ZDHHC15: variants seen among roughly 807,000 people sequenced by gnomAD.
The protein encoded by ZDHHC15 is zDHHC palmitoyltransferase 15.
A neutral mutation model predicts 31.7 loss-of-function variants in ZDHHC15; 19 were observed. That is an observed-to-expected ratio of 0.60 (90% CI 0.42 to 0.88). ZDHHC15 has a LOEUF of 0.88. ZDHHC15 is among the 40% of genes least tolerant of loss of function. The pLI, the probability that ZDHHC15 is intolerant of heterozygous loss-of-function variation, is 0.00. For missense variants in ZDHHC15, 209 were observed against 251.2 expected (o/e 0.83, Z 1.14); for synonymous variants, 103 against 90.0 (o/e 1.14, Z -0.82).
chrX:75,376,376 C>G (rs896184258), intron 11 of ZDHHC15, among the ~76,000 whole-genome samples: 1 of 106,160 alleles, frequency 9.4e-6, no homozygotes, highest in Non-Finnish European at 1.9e-5. Context: ...CTGATAATTT[C>G]TTTTGCTGTG....
rs776398857 is a variant in ZDHHC15 at position 75,417,706 on chromosome X, C to T, written c.864-516G>A. On this transcript the variant is annotated intron_variant, in intron 9 of 11. Transcript: ENST00000373367. ...GCCAGAGTGAGCCATCTCTAGACTGCAGATTTTCAGGGCAATTATCCACAT... is the reference window on the plus strand; with the variant it reads ...GCCAGAGTGAGCCATCTCTAGACTGTAGATTTTCAGGGCAATTATCCACAT... 7.2e-5 allele frequency among the ~76,000 whole-genome samples: 8 copies of T among 111,530 alleles called. No homozygotes were observed. In the South Asian group the frequency reaches 1.5e-3, roughly 21 times the overall value.
At chrX:75,425,827 C>A (rs1360547355) in intron 7 of ZDHHC15, among the ~76,000 whole-genome samples, 2 of 111,439 alleles carry the variant, frequency 1.8e-5, no homozygotes, top group African/African-American at 6.5e-5. Context: ...AGATTTTTTT[C>A]TTCTCTGAGA....
intron 3 of ZDHHC15, among the ~76,000 whole-genome samples, chrX:75,458,013 C>A (rs899368105): frequency 1.8e-5 from 2 of 110,799 alleles, no homozygotes; most frequent in Admixed American, 1.9e-4. Flanking sequence ...TATTTATATG[C>A]CAAAAGACAT....
At chrX:75,412,222 C>A (rs1209924256) in intron 10 of ZDHHC15, among the ~76,000 whole-genome samples, 1 of 111,163 alleles carries the variant, frequency 9.0e-6, no homozygotes, top group African/African-American at 3.3e-5. Flanking sequence ...GGAGGTTCTT[C>A]AAAAATTGAA....
chrX:75,444,687 T>TACAC lies in ZDHHC15; in HGVS notation c.379+6111_379+6114dup, dbSNP rs1172357698. Among the ~76,000 whole-genome samples, 142 of 29,479 alleles carry TACAC rather than the reference T, an allele frequency of 4.8e-3. 6 individuals carry two copies. The highest frequency in any genetic ancestry group is 0.02 in the African/African-American group (126 of 6,385). The allele number at this position is 29,479 out of a possible 115,157, so 25.6% of individuals were successfully genotyped here. On this transcript the variant is annotated intron_variant, in intron 4 of 11. Transcript: ENST00000373367. ...ATATATATATATATATATATATATA[T>TACAC]ACACACACACACACACACACACACA... is the stretch of plus-strand genomic sequence containing the variant.
chrX:75,407,224 C>A (rs1434678939), intron 10 of ZDHHC15, among the ~76,000 whole-genome samples: 1 of 111,675 alleles, frequency 9.0e-6, no homozygotes, highest in Non-Finnish European at 1.9e-5. Flanking sequence ...CGACCGCCAC[C>A]CCATCTGGGA....
At position 75,523,018 on chromosome X, in the gene ZDHHC15, G is replaced by C. The variant is rs1217211278; in HGVS notation, c.7C>G (p.Arg3Gly). The change falls in exon 1 of 12, where the codon CGA becomes GGA. Residue 3 changes from arginine to glycine, a missense_variant. Arg to Gly is a moderately radical substitution (Grantham distance 125, BLOSUM62 -2). Transcript: ENST00000373367. MRRGWKMALSGGL... is the reference protein window; with the variant it reads MRGGWKMALSGGL... ...CCAGACAGAGCCATCTTCCAGCCTC[G>C]CCGCATCTTTGGCTCGAAGATCGAC... is the stretch of plus-strand genomic sequence containing the variant. The C allele has an allele frequency of 8.3e-6, 10 of 1,207,554 alleles. No homozygotes were observed. In the East Asian group the frequency reaches 2.7e-4, roughly 32 times the overall value.
At chrX:75,491,022 T>C (rs1187293528) in intron 2 of ZDHHC15, among the ~76,000 whole-genome samples, 2 of 111,738 alleles carry the variant, frequency 1.8e-5, no homozygotes, top group Non-Finnish European at 3.8e-5. Context: ...TTTTACACTG[T>C]TGGTGGGACT....
chrX:75,376,891 G>A (rs1314570770), intron 11 of ZDHHC15, among the ~76,000 whole-genome samples: 1 of 110,977 alleles, frequency 9.0e-6, no homozygotes, highest in Non-Finnish European at 1.9e-5. Flanking sequence ...ACAAAATTTA[G>A]AGGCAAAATG....
At chrX:75,443,920 A>G (rs1484657848) in intron 4 of ZDHHC15, among the ~76,000 whole-genome samples, 1 of 111,347 alleles carries the variant, frequency 9.0e-6, no homozygotes, top group Non-Finnish European at 1.9e-5. Context: ...ACAATGAGAT[A>G]CCATCTCACA....
chrX:75,379,008 T>C lies in ZDHHC15; in HGVS notation c.*32+112A>G, dbSNP rs193185083. 1.1e-3 allele frequency: 583 copies of C among 554,394 alleles called. 3 individuals carry two copies. In the African/African-American group the frequency reaches 0.013, roughly 12 times the overall value. 45.7% of individuals were successfully genotyped at this position (554,394 alleles called of 1,213,427 possible). A position where few individuals can be genotyped will look rare whatever the true frequency, so the allele number is the denominator to read the frequency against. Reference sequence around the variant, plus strand: ...ATGCATGCATTACAAGAGTGAAGAATTTAAAATCTTTTTCACCCAGGATAA... The same window carrying C: ...ATGCATGCATTACAAGAGTGAAGAACTTAAAATCTTTTTCACCCAGGATAA... On this transcript the variant is annotated intron_variant, in intron 11 of 11. Transcript: ENST00000373367.
chrX:75,440,098 G>A (rs2083917362), intron 4 of ZDHHC15, among the ~76,000 whole-genome samples: 1 of 111,342 alleles, frequency 9.0e-6, no homozygotes, highest in Non-Finnish European at 1.9e-5. Context: ...GATTCTGTGA[G>A]GATCCTTGAC....
intron 10 of ZDHHC15, among the ~76,000 whole-genome samples, chrX:75,394,993 A>G (rs761068821): frequency 8.9e-6 from 1 of 112,631 alleles, no homozygotes; most frequent in South Asian, 3.7e-4. Context: ...AAATTTAACA[A>G]GTGAAATAAT....
chrX:75,398,028 G>A (rs945345088), intron 10 of ZDHHC15, among the ~76,000 whole-genome samples: 1 of 112,183 alleles, frequency 8.9e-6, no homozygotes, highest in African/African-American at 3.2e-5. Context: ...CTCCCACAAA[G>A]TGGGAGGTTA....
chrX:75,522,363 G>A (rs906197705), intron 1 of ZDHHC15, among the ~76,000 whole-genome samples: 1 of 111,441 alleles, frequency 9.0e-6, no homozygotes, highest in Non-Finnish European at 1.9e-5. Context: ...ATTCCAGTGT[G>A]TGAAAAAGGA....
intron 10 of ZDHHC15, among the ~76,000 whole-genome samples, chrX:75,382,518 C>G (rs1239486802): frequency 8.9e-6 from 1 of 111,955 alleles, no homozygotes; most frequent in African/African-American, 3.2e-5. Flanking sequence ...AGGATTCCTA[C>G]TCTCATAAAA....
intron 2 of ZDHHC15, among the ~76,000 whole-genome samples, chrX:75,498,705 T>C (rs2085046239): frequency 1.8e-5 from 2 of 111,522 alleles, no homozygotes; most frequent in South Asian, 3.7e-4. Flanking sequence ...AAAATGACCA[T>C]ACGACAAAAG....
chrX:75,464,324 T>C (rs1257216093), intron 3 of ZDHHC15, among the ~76,000 whole-genome samples: 1 of 110,832 alleles, frequency 9.0e-6, no homozygotes, highest in African/African-American at 3.3e-5. Context: ...TTAGGAGATA[T>C]ACCTAATGTA....
intron 3 of ZDHHC15, among the ~76,000 whole-genome samples, chrX:75,454,297 GAAT>G (rs1305353708): frequency 9.0e-6 from 1 of 111,692 alleles, no homozygotes; most frequent in Admixed American, 9.6e-5. Flanking sequence ...GCTACAAAGA[GAAT>G]AAAATACCTA....
Sources: allele counts gnomAD v4.1 joint callset (sites outside exome capture counted in the v4.1 genomes callset), GRCh38; gene constraint gnomAD v4.1.1; transcripts MANE v1.5; gene names NCBI Gene and HGNC (gene_info 2026-07-23, HGNC 2026-07-21).